Variants in CDC73 observed in about 807,000 individuals in gnomAD.
CDC73 encodes parafibromin.
A neutral mutation model predicts 83.7 loss-of-function variants in CDC73; 21 were observed. The ratio of observed to expected loss-of-function variants is 0.25; its 90% CI spans 0.18 to 0.36. The LOEUF is 0.36. Among genes scored for constraint, CDC73 ranks in the 10% least tolerant of loss-of-function variants. The probability of loss-of-function intolerance (pLI) is 1.00; values close to 1 mark genes in which losing one functional copy is unlikely to be tolerated. For synonymous variants in CDC73, 224 were observed against 212.9 expected, an observed-to-expected ratio of 1.05 and a Z score of -0.45; for missense variants, 342 against 653.3, an observed-to-expected ratio of 0.52 and a Z score of 5.19.
At chr1:193,133,545 T>TA (rs970759923) in intron 3 of CDC73, among the ~76,000 whole-genome samples, 1 of 152,106 alleles carries the variant, frequency 6.6e-6, no homozygotes, top group Admixed American at 6.5e-5. Context: ...GATACACTAA[T>TA]AAAAAAACTT....
rs886045712 is a variant in CDC73, at chr1:193,125,136, A to G, written c.156A>G (p.Arg52=). The G allele has an allele frequency of 1.2e-6, 2 of 1,605,502 alleles. No individual in the cohort carries two copies. Among genetic ancestry groups the G allele is most frequent in the Non-Finnish European group, 1.7e-6 (2 of 1,172,078 alleles). The change falls in exon 2 of 17, where the codon AGA becomes AGG. Residue 52 remains arginine (R), a synonymous_variant. Coordinates refer to ENST00000367435, the MANE Select transcript of CDC73 (RefSeq NM_024529.5). ...VWGTGKEGQP[R]EYYTLDSILF... ...GGACTGGAAAGGAAGGCCAACCCAG[A>G]GAGTACTACACATTGGATTCCATTT...
chr1:193,253,409 TTTG>T lies in CDC73; in HGVS notation c.*2712_*2714del, dbSNP rs373238501. On this transcript the variant is annotated 3_prime_UTR_variant, in exon 17 of 17. Transcript: ENST00000367435. The stretch of plus-strand genomic sequence containing the variant: ...TGTATGTATGTGTGGTTTTTGATTT[TTTG>T]TTGTTGTTGTTGTTTTGTGGCCACC... 11 of 232,244 alleles carry T rather than the reference TTTG, an allele frequency of 4.7e-5. No individual in the cohort carries two copies. The highest frequency in any genetic ancestry group is 8.5e-5 in the Non-Finnish European group (10 of 117,500). 14.4% of individuals were successfully genotyped at this position (232,244 alleles called of 1,614,324 possible). A position where few individuals can be genotyped will look rare whatever the true frequency, so the allele number is the denominator to read the frequency against.
intron 13 of CDC73, among the ~76,000 whole-genome samples, chr1:193,224,400 C>T (rs763233500): frequency 5.3e-5 from 8 of 151,414 alleles, no homozygotes; most frequent in Non-Finnish European, 8.8e-5. Flanking sequence ...TATGCATTCA[C>T]ATATACACAT....
At chr1:193,200,261 A>G (rs1677070680) in intron 10 of CDC73, among the ~76,000 whole-genome samples, 1 of 152,148 alleles carries the variant, frequency 6.6e-6, no homozygotes, top group African/African-American at 2.4e-5. Flanking sequence ...GTAACATTTT[A>G]AAATTAAATA....
chr1:193,130,766 G>A (rs77731967), intron 3 of CDC73, among the ~76,000 whole-genome samples: 38 of 152,252 alleles, frequency 2.5e-4, no homozygotes, highest in Non-Finnish European at 4.4e-4. Context: ...GGTCAAAACT[G>A]ATTTAAGGAT....
intron 13 of CDC73, among the ~76,000 whole-genome samples, chr1:193,213,330 T>G (rs182266261): frequency 4.0e-5 from 6 of 151,874 alleles, no homozygotes; most frequent in African/African-American, 1.4e-4. Context: ...GCTATCAAGT[T>G]TTTTAGACAC....
chr1:193,140,291 G>A (rs1218611311), intron 6 of CDC73, among the ~76,000 whole-genome samples: 1 of 152,134 alleles, frequency 6.6e-6, no homozygotes, highest in East Asian at 1.9e-4. Context: ...AGGCTGGAGG[G>A]TTAGTCTAGT....
chr1:193,164,582 A>G (rs988704396), intron 10 of CDC73, among the ~76,000 whole-genome samples: 4 of 152,166 alleles, frequency 2.6e-5, no homozygotes, highest in Non-Finnish European at 5.9e-5. Flanking sequence ...CAATGAGCAT[A>G]TAATAAATTA....
chr1:193,204,195 A>G (rs1677139644), intron 11 of CDC73, among the ~76,000 whole-genome samples: 1 of 98,172 alleles, frequency 1.0e-5, no homozygotes, highest in African/African-American at 3.7e-5. Flanking sequence ...ACACACACAC[A>G]TATATATACG....
intron 7 of CDC73, among the ~76,000 whole-genome samples, chr1:193,144,112 CAAAAAAAA>C (rs67477778): frequency 1.6e-5 from 1 of 64,416 alleles, no homozygotes. Flanking sequence ...TCTGTCTCAC[CAAAAAAAA>C]AAAAAAAAAA....
chr1:193,134,664 G>A (rs138134169), intron 3 of CDC73, among the ~76,000 whole-genome samples: 2,373 of 151,918 alleles, frequency 0.016, 57 homozygotes, highest in African/African-American at 0.053. Flanking sequence ...GCGAGACTCC[G>A]TCTCAAAAAA....
intron 10 of CDC73, among the ~76,000 whole-genome samples, chr1:193,164,622 T>C (rs1366481991): frequency 6.6e-6 from 1 of 152,142 alleles, no homozygotes; most frequent in Non-Finnish European, 1.5e-5. Flanking sequence ...GGTATTAAAG[T>C]AGTCTGTTAT....
At chr1:193,211,692 T>G (rs955154832) in intron 11 of CDC73, among the ~76,000 whole-genome samples, 8 of 152,164 alleles carry the variant, frequency 5.3e-5, no homozygotes, top group African/African-American at 1.7e-4. Flanking sequence ...AGCATTCACA[T>G]CCTGGGTGGG....
intron 10 of CDC73, among the ~76,000 whole-genome samples, chr1:193,202,613 CTTTTTTT>C (rs35435159): frequency 7.9e-6 from 1 of 126,444 alleles, no homozygotes; most frequent in African/African-American, 2.9e-5. Flanking sequence ...CCTCAGGTGT[CTTTTTTT>C]TTTTTTTTTT....
chr1:193,244,119 T>C (rs1677911046), intron 15 of CDC73, among the ~76,000 whole-genome samples: 1 of 152,224 alleles, frequency 6.6e-6, no homozygotes, highest in African/African-American at 2.4e-5. Context: ...GCTCCCTTGA[T>C]AATAAAGGGA....
At chr1:193,222,681 C>G (rs374600508) in intron 13 of CDC73, among the ~76,000 whole-genome samples, 1 of 149,958 alleles carries the variant, frequency 6.7e-6, no homozygotes, top group Non-Finnish European at 1.5e-5. Flanking sequence ...TGGAATTTGT[C>G]AGAATTAAAT....
intron 3 of CDC73, among the ~76,000 whole-genome samples, chr1:193,131,402 C>T (rs978805448): frequency 6.6e-6 from 1 of 152,196 alleles, no homozygotes; most frequent in African/African-American, 2.4e-5. Flanking sequence ...ATTCTACCTG[C>T]CCTATTTCAT....
chr1:193,165,429 CTT>C lies in CDC73; in HGVS notation c.972+12987_972+12988del, dbSNP rs138760958. On this transcript the variant is annotated intron_variant, in intron 10 of 16. Coordinates refer to ENST00000367435, the MANE Select transcript of CDC73 (RefSeq NM_024529.5). ...TACAAATAGAGAAGTATAAAGAAGA[CTT>C]TATGTATCAGTAGATAAGTAATAAT... Among the ~76,000 whole-genome samples the C allele has an allele frequency of 8.5e-5, 13 of 152,218 alleles. No individual in the cohort carries two copies. The East Asian group carries it at 2.3e-3, about 27-fold the overall frequency.
intron 13 of CDC73, among the ~76,000 whole-genome samples, chr1:193,231,883 A>T (rs1326777683): frequency 6.6e-6 from 1 of 152,180 alleles, no homozygotes; most frequent in African/African-American, 2.4e-5. Flanking sequence ...AAGCAGAATG[A>T]TACTCTCAAT....
Sources: gnomAD v4.1 joint callset for allele counts (sites outside exome capture counted in the v4.1 genomes callset) on GRCh38, gnomAD v4.1.1 for gene constraint, MANE v1.5 for transcripts, NCBI Gene and HGNC (gene_info 2026-07-23, HGNC 2026-07-21) for gene names.